Variants in SLC25A42 observed in about 807,000 individuals in gnomAD.
SLC25A42 encodes mitochondrial coenzyme A transporter SLC25A42.
In SLC25A42, 19 loss-of-function variants were observed where a neutral mutation model predicts 34.7. That is an observed-to-expected ratio of 0.55 (90% CI 0.38 to 0.80). The LOEUF is 0.80. Ranked by LOEUF, SLC25A42 falls within the 30% of genes least tolerant of loss-of-function variation. SLC25A42 has a pLI of 0.00. For missense variants in SLC25A42, 364 were observed against 441.3 expected (o/e 0.82, Z 1.57); for synonymous variants, 205 against 191.2 (o/e 1.07, Z -0.59).
At chr19:19,087,890 A>G (rs1011180277) in intron 1 of SLC25A42, among the ~76,000 whole-genome samples, 1 of 152,224 alleles carries the variant, frequency 6.6e-6, no homozygotes, top group African/African-American at 2.4e-5. Context: ...GGCCTGGGGA[A>G]GCTGGGGGCA....
chr19:19,077,219 A>T (rs1341566781), intron 1 of SLC25A42, among the ~76,000 whole-genome samples: 1 of 152,206 alleles, frequency 6.6e-6, no homozygotes, highest in Admixed American at 6.5e-5. Flanking sequence ...GGTAAAATAC[A>T]CAGTACTTAA....
At chr19:19,072,887 G>T (rs1462995882) in intron 1 of SLC25A42, among the ~76,000 whole-genome samples, 1 of 151,920 alleles carries the variant, frequency 6.6e-6, no homozygotes, top group African/African-American at 2.4e-5. Context: ...CACCCAGGCT[G>T]GAGTGCAGTG....
rs2059849550 is a variant in SLC25A42 at position 19,109,103 on chromosome 19, A to T, written c.649+1058A>T. 1.3e-5 allele frequency among the ~76,000 whole-genome samples: 2 copies of T among 152,240 alleles called. No homozygotes were observed. The highest frequency in any genetic ancestry group is 4.1e-4 in the South Asian group (2 of 4,832). The stretch of plus-strand genomic sequence containing the variant: ...AAACCATGTCACCTTTCACAGGTAT[A>T]AAAAATGCTCCAAGTGGAGTCAGCT... On this transcript the variant is annotated intron_variant, in intron 7 of 7. Transcript: ENST00000318596. The surrounding 1 kb of genome is among the most constrained non-coding windows in gnomAD (Gnocchi z 4.1).
At chr19:19,103,595 C>A (rs2059809926) in intron 3 of SLC25A42, among the ~76,000 whole-genome samples, 1 of 152,248 alleles carries the variant, frequency 6.6e-6, no homozygotes, top group Non-Finnish European at 1.5e-5. Flanking sequence ...CCCTCCCTCG[C>A]TAGGGTTAGT....
At position 19,110,833 on chromosome 19, in the gene SLC25A42, C is replaced by T; in HGVS notation, c.914C>T (p.Thr305Ile). ...ATCGCCGTGGGCATCAGCTTCACCA[C>T]CTTCGACCTCATGCAGATCCTGCTG... ...GPIAVGISFT[T>I]FDLMQILLRH... is the part of the protein sequence containing the mutation. Residue 305 changes from threonine (T) to isoleucine (I), a missense_variant, in exon 8 of 8, where the codon ACC (threonine) becomes ATC (isoleucine). Thr to Ile is a moderately conservative substitution (Grantham distance 89). Coordinates refer to ENST00000318596, the MANE Select transcript of SLC25A42 (RefSeq NM_178526.5). The T allele has an allele frequency of 1.2e-6, 2 of 1,613,994 alleles. No individual in the cohort carries two copies. Among genetic ancestry groups the T allele is most frequent in the East Asian group, 2.2e-5 (1 of 44,874 alleles).
chr19:19,110,648 C>T lies in SLC25A42; in HGVS notation c.729C>T (p.Ala243=). The T allele has an allele frequency of 1.3e-6, 2 of 1,550,568 alleles. No individual in the cohort carries two copies. Among genetic ancestry groups the T allele is most frequent in the Non-Finnish European group, 1.7e-6 (2 of 1,148,678 alleles). ...GCGCTGGCCTCATCGGGCAGTCGGC[C>T]TCGTACCCGCTGGATGTGGTGCGGC... The part of the protein sequence containing the change: ...GACAGLIGQS[A]SYPLDVVRRR... The change falls in exon 8 of 8, where the codon GCC becomes GCT. Residue 243 remains alanine (A), a synonymous_variant. Coordinates refer to ENST00000318596, the MANE Select transcript of SLC25A42 (RefSeq NM_178526.5).
chr19:19,070,737 C>T (rs2145897136), intron 1 of SLC25A42, among the ~76,000 whole-genome samples: 1 of 152,292 alleles, frequency 6.6e-6, no homozygotes, highest in Non-Finnish European at 1.5e-5. Context: ...TCCAGGTGGA[C>T]ATGAATTTGG....
chr19:19,104,703 G>T (rs551754742), intron 3 of SLC25A42, among the ~76,000 whole-genome samples: 1 of 152,290 alleles, frequency 6.6e-6, no homozygotes, highest in East Asian at 1.9e-4. Context: ...GGGGCAGGGT[G>T]CTGAGTGTCA....
chr19:19,086,820 T>G (rs2059710554), intron 1 of SLC25A42, among the ~76,000 whole-genome samples: 1 of 152,078 alleles, frequency 6.6e-6, no homozygotes, highest in Admixed American at 6.6e-5. Flanking sequence ...TTTGTATTTT[T>G]TGTAGAGATG....
At chr19:19,105,771 C>T (rs774305075) in intron 5 of SLC25A42, 44 bp downstream of exon 5, 1 of 1,461,440 alleles carries the variant, frequency 6.8e-7, no homozygotes, top group South Asian at 1.3e-5. Context: ...CCCGCCCACG[C>T]CCGCCCCTCT....
At chr19:19,066,138 T>A (rs923539713) in intron 1 of SLC25A42, among the ~76,000 whole-genome samples, 1 of 152,162 alleles carries the variant, frequency 6.6e-6, no homozygotes, top group Non-Finnish European at 1.5e-5. Context: ...ATTACAGGCG[T>A]GAGCCACCAC....
At chr19:19,108,098 G>A (rs1243511019) in intron 7 of SLC25A42, 53 bp downstream of exon 7, 6 of 1,518,638 alleles carry the variant, frequency 4.0e-6, no homozygotes, top group Non-Finnish European at 2.7e-6. Context: ...ATTCCCTGGG[G>A]ACAGCAGCTC....
intron 1 of SLC25A42, among the ~76,000 whole-genome samples, chr19:19,066,109 A>G (rs1007450949): frequency 1.3e-5 from 2 of 152,186 alleles, no homozygotes; most frequent in African/African-American, 4.8e-5. Context: ...TGCTCGCCTC[A>G]GCCTCCCAAG....
intron 1 of SLC25A42, 76 bp from the exon 2 acceptor site, chr19:19,096,015 A>G: frequency 1.0e-6 from 1 of 984,346 alleles, no homozygotes; most frequent in Non-Finnish European, 1.6e-6. Flanking sequence ...AGAAACTGGG[A>G]TAGGAAAAGG....
rs1365141755 is a variant in SLC25A42, at chr19:19,106,193, G to A, written c.381-76G>A. On this transcript the variant is annotated intron_variant, in intron 5 of 7. Coordinates refer to ENST00000318596, the MANE Select transcript of SLC25A42 (RefSeq NM_178526.5). ...TGTCCCCGCCCCAGCAGAGACGTGC[G>A]GGTGCTCCAGGCTGGGCCTCTGTGC... is the stretch of plus-strand genomic sequence containing the variant. 10 of 1,261,322 alleles carry A rather than the reference G, an allele frequency of 7.9e-6. No individual in the cohort carries two copies. The South Asian group carries it at 8.9e-5, about 11-fold the overall frequency. 78.1% of individuals were successfully genotyped at this position (1,261,322 alleles called of 1,614,324 possible).
chr19:19,102,486 G>A (rs1422009902), intron 3 of SLC25A42, among the ~76,000 whole-genome samples: 1 of 151,942 alleles, frequency 6.6e-6, no homozygotes, highest in African/African-American at 2.4e-5. Context: ...GCTCTTGCCT[G>A]TAATCCCAGC....
In SLC25A42 at chr19:19,111,043, G is replaced by A. The variant is rs2059862333; in HGVS notation, c.*167G>A. On this transcript the variant is annotated 3_prime_UTR_variant, in exon 8 of 8. Transcript: ENST00000318596. ...CTGGGCTCAGAGTCCACGTCCAAAC[G>A]CAAAGCTGGCAGCCCTGGAAGTGCA... 2.8e-6 allele frequency: 2 copies of A among 706,400 alleles called. No individual in the cohort carries two copies. Among genetic ancestry groups the A allele is most frequent in the East Asian group, 2.8e-5 (1 of 36,034 alleles). 43.8% of individuals were successfully genotyped at this position (706,400 alleles called of 1,614,324 possible).
chr19:19,079,735 G>T (rs2059671910), intron 1 of SLC25A42, among the ~76,000 whole-genome samples: 1 of 152,086 alleles, frequency 6.6e-6, no homozygotes, highest in African/African-American at 2.4e-5. Flanking sequence ...AAGTTTCATT[G>T]TTGTTGCTAT....
At chr19:19,082,042 G>A (rs761850602) in intron 1 of SLC25A42, among the ~76,000 whole-genome samples, 4 of 152,114 alleles carry the variant, frequency 2.6e-5, no homozygotes, top group Non-Finnish European at 5.9e-5. Context: ...GTTATTTGAC[G>A]TCAGCCTGAC....
Sources: gnomAD v4.1 joint callset for allele counts (sites outside exome capture counted in the v4.1 genomes callset) on GRCh38, gnomAD v4.1.1 for gene constraint, Gnocchi (gnomAD v3.1) non-coding constraint, MANE v1.5 for transcripts, NCBI Gene and HGNC (gene_info 2026-07-23, HGNC 2026-07-21) for gene names.